Variants in ADD2 observed in about 807,000 individuals in gnomAD.
ADD2 encodes adducin 2.
In ADD2, 23 loss-of-function variants were observed where a neutral mutation model predicts 83.0. The ratio of observed to expected loss-of-function variants is 0.28; its 90% CI spans 0.20 to 0.39. The LOEUF is 0.39. ADD2 is among the 10% of genes least tolerant of loss of function. The pLI, the probability that ADD2 is intolerant of heterozygous loss-of-function variation, is 1.00. For synonymous variants in ADD2, 375 were observed against 375.4 expected, an observed-to-expected ratio of 1.00 and a Z score of 0.01; for missense variants, 758 against 944.9, an observed-to-expected ratio of 0.80 and a Z score of 2.59.
intron 1 of ADD2, among the ~76,000 whole-genome samples, chr2:70,713,851 A>G (rs1672329109): frequency 1.3e-5 from 2 of 151,982 alleles, no homozygotes; most frequent in Admixed American, 6.6e-5. Context: ...CTTCACTAAC[A>G]GCTGCTAAAC....
At chr2:70,677,188 T>G (rs1446153838) in intron 12 of ADD2, among the ~76,000 whole-genome samples, 1 of 152,018 alleles carries the variant, frequency 6.6e-6, no homozygotes, top group Non-Finnish European at 1.5e-5. Context: ...AAATACAGAT[T>G]CTAGGCACCC....
intron 1 of ADD2, among the ~76,000 whole-genome samples, chr2:70,753,550 G>A (rs1652975590): frequency 6.6e-6 from 1 of 152,048 alleles, no homozygotes. Flanking sequence ...ATAGAAGCAG[G>A]GGCCACTCAA....
At chr2:70,736,847 G>A (rs1217027431) in intron 1 of ADD2, among the ~76,000 whole-genome samples, 2 of 151,320 alleles carry the variant, frequency 1.3e-5, no homozygotes, top group Admixed American at 1.3e-4. Flanking sequence ...CATTAGTCCA[G>A]GAGAGAAGGA....
At chr2:70,691,934 T>G (rs1671061829) in intron 7 of ADD2, 1 of 152,812 alleles carries the variant, frequency 6.5e-6, no homozygotes, top group Non-Finnish European at 1.5e-5. Flanking sequence ...GGAGAAATGA[T>G]CAGAGGGGGA....
chr2:70,664,276 C>T lies in ADD2; in HGVS notation c.1871-541G>A, dbSNP rs374433431. Among the ~76,000 whole-genome samples, 4 of 152,188 alleles carry T rather than the reference C, an allele frequency of 2.6e-5. No individual in the cohort carries two copies. The South Asian group carries it at 6.2e-4, about 24-fold the overall frequency. On this transcript the variant is annotated intron_variant, in intron 15 of 15. Transcript: ENST00000264436. Reference sequence around the variant, plus strand: ...TGGAATTCCTTATATAACACAGACCCCATATTTCCAAGACATGTTAGTCAA... The same window carrying T: ...TGGAATTCCTTATATAACACAGACCTCATATTTCCAAGACATGTTAGTCAA...
chr2:70,675,752 A>C (rs1670103740), intron 13 of ADD2: 1 of 985,304 alleles, frequency 1.0e-6, no homozygotes, highest in Non-Finnish European at 1.2e-6. Flanking sequence ...CAGTAGGCCT[A>C]ATGTAGGGAA....
At chr2:70,733,554 T>C (rs1328643976) in intron 1 of ADD2, among the ~76,000 whole-genome samples, 1 of 152,176 alleles carries the variant, frequency 6.6e-6, no homozygotes, top group Non-Finnish European at 1.5e-5. Context: ...ACACAAATCA[T>C]TGCCTGTTGA....
At chr2:70,722,528 A>G (rs1256911320) in intron 1 of ADD2, among the ~76,000 whole-genome samples, 6 of 152,168 alleles carry the variant, frequency 3.9e-5, no homozygotes, top group African/African-American at 1.4e-4. Context: ...GAGACAAGAG[A>G]AATAGGCCAT....
chr2:70,719,398 C>T (rs1425512768), intron 1 of ADD2, among the ~76,000 whole-genome samples: 1 of 152,190 alleles, frequency 6.6e-6, no homozygotes, highest in Non-Finnish European at 1.5e-5. Flanking sequence ...TACTGGGGTA[C>T]AGTGCTCTGG....
intron 15 of ADD2, among the ~76,000 whole-genome samples, chr2:70,665,748 T>A (rs1478515765): frequency 1.3e-5 from 2 of 151,952 alleles, no homozygotes; most frequent in Non-Finnish European, 2.9e-5. Flanking sequence ...AGTTTATCAC[T>A]CCTTCCTTTC....
chr2:70,685,657 A>G (rs1410192246), intron 9 of ADD2, among the ~76,000 whole-genome samples: 2 of 152,232 alleles, frequency 1.3e-5, no homozygotes, highest in Non-Finnish European at 2.9e-5. Flanking sequence ...CTTTAAGGTA[A>G]TAGATCTAAA....
intron 1 of ADD2, among the ~76,000 whole-genome samples, chr2:70,758,586 T>G (rs1340906067): frequency 6.6e-6 from 1 of 152,086 alleles, no homozygotes; most frequent in African/African-American, 2.4e-5. Flanking sequence ...AGATTAGATT[T>G]TTGTTTTAAA....
chr2:70,753,478 T>C (rs1553383303), intron 1 of ADD2, among the ~76,000 whole-genome samples: 1 of 151,012 alleles, frequency 6.6e-6, no homozygotes, highest in African/African-American at 2.4e-5. Context: ...ATTGCCATGG[T>C]GGTGTTTTTG....
intron 1 of ADD2, among the ~76,000 whole-genome samples, chr2:70,737,037 A>G (rs1487028722): frequency 1.3e-5 from 2 of 152,158 alleles, no homozygotes; most frequent in East Asian, 1.9e-4. Flanking sequence ...ACCATCTCAC[A>G]CCAGTTAGAA....
At chr2:70,731,464 A>G (rs1200905837) in intron 1 of ADD2, among the ~76,000 whole-genome samples, 1 of 152,196 alleles carries the variant, frequency 6.6e-6, no homozygotes, top group Non-Finnish European at 1.5e-5. Context: ...TAAAAATAGC[A>G]AAGAACTAGA....
intron 9 of ADD2, among the ~76,000 whole-genome samples, 165 bp downstream of exon 9, chr2:70,687,859 A>G (rs566878086): frequency 6.6e-6 from 1 of 152,206 alleles, no homozygotes; most frequent in Non-Finnish European, 1.5e-5. Flanking sequence ...TAAGTGTGAA[A>G]CTTTAGAAGG....
intron 1 of ADD2, among the ~76,000 whole-genome samples, chr2:70,748,905 C>A (rs1674371585): frequency 6.6e-6 from 1 of 152,146 alleles, no homozygotes; most frequent in Admixed American, 6.5e-5. Flanking sequence ...CAGCATTGAG[C>A]TATATAAGTA....
intron 1 of ADD2, among the ~76,000 whole-genome samples, chr2:70,761,902 C>A (rs897160381): frequency 6.6e-5 from 10 of 151,466 alleles, no homozygotes; most frequent in African/African-American, 2.0e-4. Flanking sequence ...ATCTCCTGAC[C>A]TCACGATCTA....
chr2:70,762,997 C>A (rs1675199208), intron 1 of ADD2, among the ~76,000 whole-genome samples: 1 of 151,982 alleles, frequency 6.6e-6, no homozygotes. Context: ...TGAGCCACCA[C>A]ACCCAGCCAA....
Sources: allele counts gnomAD v4.1 joint callset (sites outside exome capture counted in the v4.1 genomes callset), GRCh38; gene constraint gnomAD v4.1.1; transcripts MANE v1.5; gene names NCBI Gene and HGNC (gene_info 2026-07-23, HGNC 2026-07-21).